Variants in C12orf42 observed in about 807,000 individuals in gnomAD.
C12orf42 encodes the protein chromosome 12 open reading frame 42.
Under a neutral mutation model 21.6 loss-of-function variants are expected in C12orf42, and 25 were observed. The observed-to-expected ratio is 1.16, with a 90% confidence interval of 0.84 to 1.62. C12orf42 has a LOEUF of 1.62. Ranked by LOEUF, C12orf42 falls within the 40% of genes most tolerant of loss-of-function variation. The pLI, the probability that C12orf42 is intolerant of heterozygous loss-of-function variation, is 0.00. For missense variants in C12orf42, 483 were observed against 459.3 expected, an observed-to-expected ratio of 1.05 and a Z score of -0.47; for synonymous variants, 174 against 175.0, an observed-to-expected ratio of 0.99 and a Z score of 0.05.
chr12:103,229,642 C>T, the C12orf42 span, among the ~76,000 whole-genome samples: 7 of 152,272 alleles, frequency 4.6e-5, no homozygotes, highest in African/African-American at 1.7e-4. Context: ...CCTTGTGTTT[C>T]CTTCCACATT....
At chr12:103,119,624 C>G in the C12orf42 span, among the ~76,000 whole-genome samples, 4 of 152,098 alleles carry the variant, frequency 2.6e-5, no homozygotes, top group Admixed American at 6.6e-5. Flanking sequence ...CAGCTATATG[C>G]CCCATGAGGA....
chr12:103,145,737 G>A, the C12orf42 span, among the ~76,000 whole-genome samples: 2 of 152,052 alleles, frequency 1.3e-5, no homozygotes, highest in Non-Finnish European at 2.9e-5. Context: ...TTCAACAAAA[G>A]TGAACTGGAT....
chr12:103,258,528 A>G (rs2034727579), intron 10 of C12orf42, among the ~76,000 whole-genome samples: 1 of 151,894 alleles, frequency 6.6e-6, no homozygotes, highest in Non-Finnish European at 1.5e-5. Context: ...ATTTATATAT[A>G]TATGTTTTAA....
intron 3 of C12orf42, among the ~76,000 whole-genome samples, chr12:103,377,502 G>A (rs2045799100): frequency 1.3e-5 from 2 of 151,982 alleles, no homozygotes; most frequent in Admixed American, 1.3e-4. Flanking sequence ...TACCAGACCG[G>A]TAACATTCTG....
the C12orf42 span, among the ~76,000 whole-genome samples, chr12:103,508,483 A>G: frequency 6.6e-6 from 1 of 152,194 alleles, no homozygotes; most frequent in Non-Finnish European, 1.5e-5. Context: ...GCCAAATTTG[A>G]ATACCCATAA....
the C12orf42 span, among the ~76,000 whole-genome samples, chr12:103,064,075 C>T: frequency 6.6e-6 from 1 of 152,164 alleles, no homozygotes; most frequent in Non-Finnish European, 1.5e-5. Context: ...GATCCAAAGG[C>T]TTAGGGAGAT....
chr12:103,440,940 A>G (rs1951197643), intron 2 of C12orf42, among the ~76,000 whole-genome samples: 1 of 152,246 alleles, frequency 6.6e-6, no homozygotes, highest in Non-Finnish European at 1.5e-5. Flanking sequence ...TCAAGCTAAT[A>G]ATGGGTGAAA....
the C12orf42 span, among the ~76,000 whole-genome samples, chr12:103,163,421 A>AC: frequency 6.6e-6 from 1 of 152,094 alleles, no homozygotes; most frequent in African/African-American, 2.4e-5. Context: ...TGGTTTTATT[A>AC]CCCCTTAAAC....
At chr12:103,326,522 G>T (rs920161389) in intron 4 of C12orf42, among the ~76,000 whole-genome samples, 1 of 151,968 alleles carries the variant, frequency 6.6e-6, no homozygotes, top group South Asian at 2.1e-4. Flanking sequence ...CCTTCCTACC[G>T]CTCTACTTAC....
downstream of C12orf42, among the ~76,000 whole-genome samples, chr12:103,301,105 C>T (rs907308583): frequency 6.6e-6 from 1 of 152,106 alleles, no homozygotes; most frequent in Non-Finnish European, 1.5e-5. Flanking sequence ...CTCTCAAAAC[C>T]TTGAGACTTA....
At chr12:103,355,661 G>T (rs1386631937) in intron 4 of C12orf42, among the ~76,000 whole-genome samples, 1 of 152,016 alleles carries the variant, frequency 6.6e-6, no homozygotes, top group East Asian at 1.9e-4. Context: ...GCTAGGCCTG[G>T]ATCCCCAATA....
Position 103,416,091 on chromosome 12 carries a change from A to G in C12orf42, c.79-14416T>C, listed in dbSNP as rs74394832. Reference sequence around the variant, plus strand: ...GTGTGTATACGTGTATACATGTGCAACTTGTGCAACACATGGGTCTGTGTG... The same window carrying G: ...GTGTGTATACGTGTATACATGTGCAGCTTGTGCAACACATGGGTCTGTGTG... On this transcript the variant is annotated intron_variant, in intron 2 of 5. Coordinates refer to ENST00000548883, the MANE Select transcript of C12orf42 (RefSeq NM_198521.5). Among the ~76,000 whole-genome samples, 1,514 of 151,572 alleles carry G rather than the reference A, an allele frequency of 1.0e-2. 136 individuals are homozygous for G. In the East Asian group the frequency reaches 0.2, roughly 20 times the overall value.
the C12orf42 span, chr12:103,178,240 C>T: frequency 6.6e-6 from 1 of 152,268 alleles, no homozygotes; most frequent in Admixed American, 6.5e-5. Flanking sequence ...TAAAACAGTC[C>T]ATTAAAGGGC....
At chr12:103,543,892 T>G in the C12orf42 span, among the ~76,000 whole-genome samples, 5 of 44,884 alleles carry the variant, frequency 1.1e-4, 1 homozygote, top group African/African-American at 7.3e-4. Flanking sequence ...TTTTTTTTTG[T>G]TTTGTTTTTT....
At chr12:103,169,410 C>A in the C12orf42 span, among the ~76,000 whole-genome samples, 1 of 151,264 alleles carries the variant, frequency 6.6e-6, no homozygotes, top group Non-Finnish European at 1.5e-5. Context: ...ATTAAACTTC[C>A]ATTCTTAAAC....
At chr12:103,295,825 C>A (rs1266390635) in intron 4 of C12orf42, among the ~76,000 whole-genome samples, 1 of 151,862 alleles carries the variant, frequency 6.6e-6, no homozygotes, top group African/African-American at 2.4e-5. Context: ...CCCAAGTTAT[C>A]CTTTGCAGTA....
the C12orf42 span, among the ~76,000 whole-genome samples, chr12:103,521,372 C>T: frequency 2.6e-5 from 4 of 152,192 alleles, no homozygotes; most frequent in African/African-American, 9.7e-5. Context: ...GAGATCATGT[C>T]CTTTGCAGGA....
downstream of C12orf42, among the ~76,000 whole-genome samples, chr12:103,266,166 C>T (rs550445925): frequency 6.6e-6 from 1 of 152,016 alleles, no homozygotes; most frequent in African/African-American, 2.4e-5. Context: ...TTGAAGAGGT[C>T]TCTTTAATAT....
the C12orf42 span, among the ~76,000 whole-genome samples, chr12:103,201,782 TG>T: frequency 6.6e-6 from 1 of 152,208 alleles, no homozygotes; most frequent in Non-Finnish European, 1.5e-5. Context: ...TAGTAGTTCC[TG>T]GGCCAAATGC....
Sources: gnomAD v4.1 joint callset for allele counts (sites outside exome capture counted in the v4.1 genomes callset) on GRCh38, gnomAD v4.1.1 for gene constraint, MANE v1.5 for transcripts, NCBI Gene and HGNC (gene_info 2026-07-23, HGNC 2026-07-21) for gene names.